Variants in SPO11 observed in about 807,000 individuals in gnomAD.
SPO11 encodes SPO11 initiator of meiotic double strand breaks.
A neutral mutation model predicts 51.6 loss-of-function variants in SPO11; 49 were observed. The observed-to-expected ratio is 0.95, with a 90% confidence interval of 0.75 to 1.20. The LOEUF is 1.20. Ranked by LOEUF, SPO11 falls within the 50% of genes most tolerant of loss-of-function variation. SPO11 has a pLI of 0.00. For synonymous variants in SPO11, 176 were observed against 158.2 expected (o/e 1.11, Z -0.84); for missense variants, 431 against 473.4 (o/e 0.91, Z 0.83).
intron 1 of SPO11, among the ~76,000 whole-genome samples, chr20:57,331,561 T>C (rs948830976): frequency 6.6e-6 from 1 of 152,254 alleles, no homozygotes; most frequent in Non-Finnish European, 1.5e-5. Flanking sequence ...CTTCCATTGG[T>C]AATTGCTTGA....
chr20:57,331,942 A>G lies in SPO11; in HGVS notation c.241A>G (p.Ile81Val). The G allele has an allele frequency of 6.4e-7, 1 of 1,566,542 alleles. No homozygotes were observed. The change falls in exon 2 of 13, where the codon ATA becomes GTA. Residue 81 changes from isoleucine (I) to valine (V), a missense_variant. By Grantham distance (29) the Ile-to-Val change is conservative (BLOSUM62 3). This residue lies in a region of SPO11 where 405 missense variants were observed against 425.9 expected (regional missense o/e 0.95). Transcript: ENST00000371263. ...AGACAACAGATCAAGCTGGGAAAACATAAAGTGGGCATTTTGCATTTTTAT... is the reference window on the plus strand; with the variant it reads ...AGACAACAGATCAAGCTGGGAAAACGTAAAGTGGGCATTTTGCATTTTTAT... Reference protein sequence around the residue: ...TIDNRSSWENIKFEDSVGLQM... With the variant: ...TIDNRSSWENVKFEDSVGLQM...
chr20:57,336,687 A>AT (rs1374009507), intron 8 of SPO11, among the ~76,000 whole-genome samples: 2 of 152,052 alleles, frequency 1.3e-5, no homozygotes, highest in East Asian at 3.9e-4. Context: ...AGGAAGAGCC[A>AT]TTTTTCACCA....
intron 11 of SPO11, among the ~76,000 whole-genome samples, chr20:57,341,339 A>C (rs2066579495): frequency 6.6e-6 from 1 of 152,200 alleles, no homozygotes; most frequent in African/African-American, 2.4e-5. Flanking sequence ...CTGGTGGGTC[A>C]AAGAGGATCC....
chr20:57,330,631 T>G (rs2066437931), intron 1 of SPO11, among the ~76,000 whole-genome samples: 1 of 152,238 alleles, frequency 6.6e-6, no homozygotes, highest in Admixed American at 6.5e-5. Context: ...GACTACGTTA[T>G]TGACCATTTT....
rs552540188 is a variant in SPO11, at chr20:57,333,754, G to A, written c.401+1G>A. ...AGAGCAACACTTATGCAACCAAAAG[G>A]TAAATATATTGTTCTAGTAAATTAC... is the stretch of plus-strand genomic sequence containing the variant. On this transcript the variant is annotated splice_donor_variant, in intron 4 of 12. Coordinates refer to ENST00000371263, the MANE Select transcript of SPO11 (RefSeq NM_012444.3). LOFTEE classifies it high-confidence loss of function. 1 of 1,424,200 alleles carries A rather than the reference G, an allele frequency of 7.0e-7. No individual in the cohort carries two copies. Among genetic ancestry groups the A allele is most frequent in the African/African-American group, 1.4e-5 (1 of 70,840 alleles). The allele number at this position is 1,424,200 out of a possible 1,614,324, so 88.2% of individuals were successfully genotyped here.
chr20:57,334,727 A>G (rs2066490985), intron 5 of SPO11, 23 bp from the exon 6 acceptor site: 1 of 1,597,382 alleles, frequency 6.3e-7, no homozygotes, highest in South Asian at 1.1e-5. Context: ...GCAGGTTTCA[A>G]ATATGTCTAT....
At chr20:57,336,150 C>T (rs1600682310) in intron 8 of SPO11, among the ~76,000 whole-genome samples, 1 of 152,034 alleles carries the variant, frequency 6.6e-6, no homozygotes, top group African/African-American at 2.4e-5. Context: ...AGTACCATGG[C>T]ATGATCATAG....
chr20:57,334,420 C>A (rs1460314672), intron 5 of SPO11, among the ~76,000 whole-genome samples: 1 of 152,136 alleles, frequency 6.6e-6, no homozygotes, highest in Admixed American at 6.5e-5. Flanking sequence ...TCCCAAAGTT[C>A]TAGGATTACA....
intron 1 of SPO11, among the ~76,000 whole-genome samples, chr20:57,331,556 A>G (rs748673615): frequency 3.9e-5 from 6 of 152,238 alleles, no homozygotes; most frequent in Non-Finnish European, 7.3e-5. Context: ...GAGACCTTCC[A>G]TTGGTAATTG....
At chr20:57,336,768 A>G (rs1345049937) in intron 8 of SPO11, among the ~76,000 whole-genome samples, 1 of 152,184 alleles carries the variant, frequency 6.6e-6, no homozygotes, top group East Asian at 1.9e-4. Context: ...ACATTATGAA[A>G]ATACACTAAA....
At position 57,334,845 on chromosome 20, in the gene SPO11, C is replaced by A. The variant is rs761860382; in HGVS notation, c.597+9C>A. On this transcript the variant is annotated intron_variant, in intron 6 of 12. Transcript: ENST00000371263. Reference sequence around the variant, plus strand: ...GTACCTGTGGTGCAACGGTAAGAAGCATCATTGAAGTTTTCACAGCTTTAA... The same window carrying A: ...GTACCTGTGGTGCAACGGTAAGAAGAATCATTGAAGTTTTCACAGCTTTAA... The A allele has an allele frequency of 7.4e-6, 12 of 1,611,564 alleles. 1 individual carries two copies. The South Asian group carries it at 1.3e-4, about 18-fold the overall frequency.
chr20:57,338,986 C>T lies in SPO11; in HGVS notation c.845-3C>T. 6.8e-7 allele frequency: 1 copy of T among 1,480,640 alleles called. No homozygotes were observed. The highest frequency in any genetic ancestry group is 9.2e-7 in the Non-Finnish European group (1 of 1,086,556). 91.7% of individuals were successfully genotyped at this position (1,480,640 alleles called of 1,614,324 possible). On this transcript the variant is annotated splice_polypyrimidine_tract_variant and splice_region_variant and intron_variant, in intron 9 of 12. Coordinates refer to ENST00000371263, the MANE Select transcript of SPO11 (RefSeq NM_012444.3). Reference sequence around the variant, plus strand: ...AATTTTATAGTTAACTTTCTTTTAACAGGCATAGAAATAATGTGCATCTAT... The same window carrying T: ...AATTTTATAGTTAACTTTCTTTTAATAGGCATAGAAATAATGTGCATCTAT...
chr20:57,335,986 T>G, intron 8 of SPO11, 79 bp downstream of exon 8: 3 of 787,026 alleles, frequency 3.8e-6, no homozygotes, highest in Non-Finnish European at 6.4e-6. Flanking sequence ...TACAATATTA[T>G]CTACACAATG....
In SPO11 at chr20:57,342,775, C is replaced by G; in HGVS notation, c.1006C>G (p.Gln336Glu). 1.9e-6 allele frequency: 3 copies of G among 1,613,430 alleles called. No individual in the cohort carries two copies. Among genetic ancestry groups the G allele is most frequent in the Non-Finnish European group, 2.5e-6 (3 of 1,179,648 alleles). ...DSLIPLTKRD[Q>E]MKLDSILRRP... ...TTTGATTCCACTGACAAAAAGGGAC[C>G]AAATGAAACTTGACAGTATCCTGAG... is the stretch of plus-strand genomic sequence containing the variant. The change falls in exon 12 of 13, where the codon CAA becomes GAA. Residue 336 changes from glutamine (Q) to glutamate (E), a missense_variant. By Grantham distance (29) the Gln-to-Glu change is conservative (BLOSUM62 2). This residue lies in a region of SPO11 where 405 missense variants were observed against 425.9 expected (regional missense o/e 0.95). Transcript: ENST00000371263.
intron 11 of SPO11, 139 bp from the exon 12 acceptor site, chr20:57,342,590 C>A: frequency 1.7e-6 from 1 of 593,224 alleles, no homozygotes; most frequent in South Asian, 2.3e-5. Flanking sequence ...CCCTTCAATC[C>A]TGGATGTAAG....
At chr20:57,338,506 C>T (rs1179706831) in intron 9 of SPO11, 131 bp downstream of exon 9, 16 of 635,974 alleles carry the variant, frequency 2.5e-5, no homozygotes, top group Middle Eastern at 4.4e-4. Context: ...TGCAATGGCG[C>T]GATCTTGGCT....
chr20:57,335,336 A>T (rs2066498680), intron 6 of SPO11, 83 bp from the exon 7 acceptor site: 4 of 1,205,688 alleles, frequency 3.3e-6, no homozygotes, highest in Non-Finnish European at 4.7e-6. Context: ...GGTCAAAGAA[A>T]AATAAAAACA....
In SPO11 at chr20:57,335,876, G is replaced by A; in HGVS notation, c.713G>A (p.Cys238Tyr). The A allele has an allele frequency of 6.2e-7, 1 of 1,611,200 alleles. No individual in the cohort carries two copies. The highest frequency in any genetic ancestry group is 1.3e-5 in the African/African-American group (1 of 74,840). The change falls in exon 8 of 13, where the codon TGC becomes TAC. Residue 238 changes from cysteine (C) to tyrosine (Y), a missense_variant. By Grantham distance (194) the Cys-to-Tyr change is radical. Coordinates refer to ENST00000371263, the MANE Select transcript of SPO11 (RefSeq NM_012444.3). ...CAGCGGCTCCTAGATGACAACTTTT[G>A]CAACAAATTGTCTCCTTGCATCATG... ...TFQRLLDDNF[C>Y]NKLSPCIMIT...
In SPO11 at chr20:57,338,379, A is replaced by AT. The variant is rs1194882875; in HGVS notation, c.844+7dup. On this transcript the variant is annotated splice_donor_region_variant and intron_variant, in intron 9 of 12. Coordinates refer to ENST00000371263, the MANE Select transcript of SPO11 (RefSeq NM_012444.3). ...CTTGTAGATGCTGATCCACATGGTA[A>AT]TTTATCACTGGACTATTTACAACAA... 2 of 1,566,260 alleles carry AT rather than the reference A, an allele frequency of 1.3e-6. No homozygotes were observed. Among genetic ancestry groups the AT allele is most frequent in the Non-Finnish European group, 1.8e-6 (2 of 1,137,704 alleles).
Sources: gnomAD v4.1 joint callset for allele counts (sites outside exome capture counted in the v4.1 genomes callset) on GRCh38, gnomAD v4.1.1 for gene constraint, gnomAD v4.1.1 regional missense constraint, MANE v1.5 for transcripts, NCBI Gene and HGNC (gene_info 2026-07-23, HGNC 2026-07-21) for gene names.